Variants in GLIS3 observed in about 807,000 individuals in gnomAD.
GLIS3 encodes the protein zinc finger protein GLIS3.
GLIS3 carries 53 observed loss-of-function variants against 78.6 expected under a neutral mutation model. The observed-to-expected ratio is 0.67, with a 90% CI of 0.54 to 0.85. The LOEUF (loss-of-function observed/expected upper bound fraction) is 0.85, where lower values mean the gene tolerates loss of function less well. Ranked by LOEUF, GLIS3 falls within the 40% of genes least tolerant of loss-of-function variation. The pLI is 0.00. For missense variants in GLIS3, 1,703 were observed against 1,231.1 expected (o/e 1.38, Z -5.74); for synonymous variants, 684 against 509.9 (o/e 1.34, Z -4.60).
At chr9:3,996,721 T>G (rs1384713399) in intron 4 of GLIS3, among the ~76,000 whole-genome samples, 1 of 151,922 alleles carries the variant, frequency 6.6e-6, no homozygotes, top group Non-Finnish European at 1.5e-5. Flanking sequence ...AGACCCAACA[T>G]AGAGAATGAA....
chr9:4,434,193 G>A, the GLIS3 span, among the ~76,000 whole-genome samples: 2 of 151,626 alleles, frequency 1.3e-5, no homozygotes, highest in Non-Finnish European at 2.9e-5. Flanking sequence ...AACATTTAAT[G>A]TATATAGTTA....
the GLIS3 span, among the ~76,000 whole-genome samples, chr9:4,356,788 G>C: frequency 6.6e-6 from 1 of 152,136 alleles, no homozygotes; most frequent in African/African-American, 2.4e-5. Context: ...ACATCAGTAA[G>C]AAAATCTCTA....
intron 4 of GLIS3, among the ~76,000 whole-genome samples, chr9:4,070,127 C>G (rs1827462904): frequency 6.6e-6 from 1 of 152,130 alleles, no homozygotes; most frequent in Non-Finnish European, 1.5e-5. Context: ...CATATTGGAT[C>G]TTAATTCTCA....
intron 4 of GLIS3, among the ~76,000 whole-genome samples, chr9:4,084,891 C>G (rs1295100888): frequency 2.6e-5 from 4 of 151,668 alleles, no homozygotes; most frequent in Admixed American, 2.6e-4. Flanking sequence ...TTAAAGAAGC[C>G]TCTTGCATTC....
At chr9:4,409,725 T>A in the GLIS3 span, among the ~76,000 whole-genome samples, 3 of 152,040 alleles carry the variant, frequency 2.0e-5, no homozygotes, top group Admixed American at 6.6e-5. Flanking sequence ...AAGGAACAAA[T>A]GATAAATCAC....
intron 2 of GLIS3, among the ~76,000 whole-genome samples, chr9:4,184,670 C>G (rs556432838): frequency 6.6e-6 from 1 of 152,280 alleles, no homozygotes; most frequent in South Asian, 2.1e-4. Flanking sequence ...GGGGGAACCC[C>G]TGGTTGGAGG....
At chr9:4,021,882 G>GA (rs1822916633) in intron 4 of GLIS3, among the ~76,000 whole-genome samples, 1 of 152,130 alleles carries the variant, frequency 6.6e-6, no homozygotes, top group Non-Finnish European at 1.5e-5. Flanking sequence ...TCTAACATTT[G>GA]AAGCTCCCCC....
At chr9:4,439,353 T>C in the GLIS3 span, among the ~76,000 whole-genome samples, 1 of 152,242 alleles carries the variant, frequency 6.6e-6, no homozygotes, top group African/African-American at 2.4e-5. Context: ...CGATCAATTT[T>C]AGAACGTTTT....
At chr9:4,061,947 T>A (rs761748118) in intron 4 of GLIS3, among the ~76,000 whole-genome samples, 24 of 152,338 alleles carry the variant, frequency 1.6e-4, no homozygotes, top group Middle Eastern at 3.4e-3. Flanking sequence ...TTAAGTCACA[T>A]GGCAAAAGGG....
intron 7 of GLIS3, among the ~76,000 whole-genome samples, chr9:3,881,423 T>C (rs1821719625): frequency 2.0e-5 from 3 of 152,308 alleles, no homozygotes; most frequent in Admixed American, 6.5e-5. Context: ...GCCCCTGCTG[T>C]TTACAACCCA....
At chr9:3,839,845 A>T (rs886764955) in intron 9 of GLIS3, among the ~76,000 whole-genome samples, 11 of 152,322 alleles carry the variant, frequency 7.2e-5, no homozygotes, top group African/African-American at 2.4e-4. Flanking sequence ...TAGGGAGAAA[A>T]GTATTTAATT....
At chr9:4,164,074 C>T (rs1281495353) in intron 2 of GLIS3, among the ~76,000 whole-genome samples, 1 of 152,142 alleles carries the variant, frequency 6.6e-6, no homozygotes, top group African/African-American at 2.4e-5. Context: ...ACAAAATATG[C>T]AAAGGTCTAT....
At chr9:4,228,714 A>G (rs958838335) in intron 2 of GLIS3, among the ~76,000 whole-genome samples, 1 of 152,214 alleles carries the variant, frequency 6.6e-6, no homozygotes, top group Non-Finnish European at 1.5e-5. Context: ...ATCTGTGAAC[A>G]CAATATGAAA....
rs141384664 is a variant in GLIS3 at position 4,018,241 on chromosome 9, T to C, written c.1711-81052A>G. Among the ~76,000 whole-genome samples the C allele has an allele frequency of 7.2e-4, 110 of 152,318 alleles. 1 individual carries two copies. Among genetic ancestry groups the C allele is most frequent in the African/African-American group, 2.6e-3 (106 of 41,566 alleles). On this transcript the variant is annotated intron_variant, in intron 4 of 10. Coordinates refer to ENST00000381971, the MANE Select transcript of GLIS3 (RefSeq NM_001042413.2). ...ATCCTCACAGGAGGAGAACTGAATA[T>C]AAAATGAGCAATTAGGGTGAGGTTT...
At chr9:4,235,008 T>C (rs1216808878) in intron 2 of GLIS3, among the ~76,000 whole-genome samples, 2 of 151,990 alleles carry the variant, frequency 1.3e-5, no homozygotes, top group Admixed American at 6.6e-5. Flanking sequence ...AATAAAAATG[T>C]GATGAGGGAG....
intron 4 of GLIS3, among the ~76,000 whole-genome samples, chr9:3,986,026 A>T (rs1211560970): frequency 6.6e-6 from 1 of 152,250 alleles, no homozygotes; most frequent in Non-Finnish European, 1.5e-5. Flanking sequence ...AGCAAGAAAC[A>T]GTCAAGAAGG....
chr9:4,387,104 G>T, the GLIS3 span, among the ~76,000 whole-genome samples: 1 of 152,122 alleles, frequency 6.6e-6, no homozygotes, highest in Non-Finnish European at 1.5e-5. Flanking sequence ...AGATTTAATG[G>T]CAACTTCAGG....
intron 2 of GLIS3, among the ~76,000 whole-genome samples, chr9:4,275,282 C>A (rs186960951): frequency 6.6e-6 from 1 of 152,232 alleles, no homozygotes; most frequent in East Asian, 1.9e-4. Context: ...GAGTAAGTGC[C>A]CATTTCTTCA....
At chr9:4,257,285 T>C (rs1312876786) in intron 2 of GLIS3, among the ~76,000 whole-genome samples, 11 of 152,068 alleles carry the variant, frequency 7.2e-5, no homozygotes, top group Admixed American at 7.2e-4. Context: ...CTAAAATTTT[T>C]AAAAATTGAA....
Sources: gnomAD v4.1 joint callset for allele counts (sites outside exome capture counted in the v4.1 genomes callset) on GRCh38, gnomAD v4.1.1 for gene constraint, MANE v1.5 for transcripts, NCBI Gene and HGNC (gene_info 2026-07-23, HGNC 2026-07-21) for gene names.